Variants in ST6GALNAC3 observed in about 807,000 individuals in gnomAD.
The protein encoded by ST6GALNAC3 is alpha-N-acetylgalactosaminide alpha-2,6-sialyltransferase 3.
ST6GALNAC3 carries 25 observed loss-of-function variants against 32.7 expected under a neutral mutation model. That is an observed-to-expected ratio of 0.76 (90% CI 0.56 to 1.07). The LOEUF is 1.07. ST6GALNAC3 is among the 50% of genes least tolerant of loss of function. The probability of loss-of-function intolerance (pLI) is 0.00; values close to 1 mark genes in which losing one functional copy is unlikely to be tolerated. For missense variants in ST6GALNAC3, 355 were observed against 382.4 expected (o/e 0.93, Z 0.60); for synonymous variants, 129 against 133.1 (o/e 0.97, Z 0.21).
At chr1:76,360,852 G>C (rs1461967533) in intron 2 of ST6GALNAC3, among the ~76,000 whole-genome samples, 2 of 152,128 alleles carry the variant, frequency 1.3e-5, no homozygotes, top group East Asian at 1.9e-4. Flanking sequence ...GGGAGTCAGA[G>C]TCTCAATTTC....
Position 76,629,895 on chromosome 1 carries a change from T to C in ST6GALNAC3, c.*1089T>C. ...CCAGCTGTTACACATGGAGAGGAAA[T>C]GATTCCTTATATTAAACCTGACCAG... On this transcript the variant is annotated 3_prime_UTR_variant, in exon 5 of 5. Coordinates refer to ENST00000328299, the MANE Select transcript of ST6GALNAC3 (RefSeq NM_152996.4). 1 of 985,100 alleles carries C rather than the reference T, an allele frequency of 1.0e-6. No individual in the cohort carries two copies. Among genetic ancestry groups the C allele is most frequent in the Non-Finnish European group, 1.2e-6 (1 of 829,750 alleles). 61.0% of individuals were successfully genotyped at this position (985,100 alleles called of 1,614,324 possible).
chr1:76,189,997 T>C (rs1653802336), intron 1 of ST6GALNAC3, among the ~76,000 whole-genome samples: 1 of 152,208 alleles, frequency 6.6e-6, no homozygotes, highest in Non-Finnish European at 1.5e-5. Context: ...TAAAGGAAAG[T>C]TTGTCAGATG....
chr1:76,406,281 G>A (rs1233788399), intron 2 of ST6GALNAC3, among the ~76,000 whole-genome samples: 46 of 152,160 alleles, frequency 3.0e-4, no homozygotes, highest in Non-Finnish European at 2.9e-5. Flanking sequence ...AGGCTTTTGG[G>A]CAGTGGGGAG....
chr1:76,597,723 G>A (rs985316082), intron 3 of ST6GALNAC3, among the ~76,000 whole-genome samples: 2 of 152,148 alleles, frequency 1.3e-5, no homozygotes, highest in South Asian at 2.1e-4. Context: ...GTACACCTAA[G>A]TAGAGAGCTT....
intron 1 of ST6GALNAC3, 154 bp downstream of exon 1, chr1:76,075,038 G>C: frequency 1.0e-6 from 1 of 962,668 alleles, no homozygotes; most frequent in Non-Finnish European, 1.6e-6. Flanking sequence ...GCATATGGAG[G>C]GAGATTCTGA....
chr1:76,090,018 G>C (rs1647022916), intron 1 of ST6GALNAC3, among the ~76,000 whole-genome samples: 1 of 152,284 alleles, frequency 6.6e-6, no homozygotes, highest in South Asian at 2.1e-4. Flanking sequence ...CACTGAGAGT[G>C]TATTTATATA....
chr1:76,354,017 C>T (rs897817505), intron 2 of ST6GALNAC3: 17 of 165,254 alleles, frequency 1.0e-4, no homozygotes, highest in African/African-American at 4.0e-4. Context: ...CTTTCAAACA[C>T]CACTAATGCC....
intron 3 of ST6GALNAC3, among the ~76,000 whole-genome samples, chr1:76,462,255 A>G (rs1353116534): frequency 6.6e-6 from 1 of 152,060 alleles, no homozygotes; most frequent in Non-Finnish European, 1.5e-5. Flanking sequence ...AAATGTGTAC[A>G]TACGTGAATT....
intron 1 of ST6GALNAC3, among the ~76,000 whole-genome samples, chr1:76,199,651 T>C (rs1654409309): frequency 6.6e-6 from 1 of 152,230 alleles, no homozygotes; most frequent in East Asian, 1.9e-4. Context: ...TGATTTATCA[T>C]GACCATTTTG....
At chr1:76,110,317 G>A (rs936155457) in intron 1 of ST6GALNAC3, among the ~76,000 whole-genome samples, 2 of 152,242 alleles carry the variant, frequency 1.3e-5, no homozygotes, top group African/African-American at 4.8e-5. Flanking sequence ...GCATTTGAGT[G>A]TTATCGTTTA....
intron 3 of ST6GALNAC3, among the ~76,000 whole-genome samples, chr1:76,451,033 G>T (rs1009945616): frequency 6.6e-6 from 1 of 152,140 alleles, no homozygotes; most frequent in Admixed American, 6.6e-5. Flanking sequence ...GCTATGAAAG[G>T]CTCCTTTTGG....
At chr1:76,139,011 G>A (rs559627735) in intron 1 of ST6GALNAC3, among the ~76,000 whole-genome samples, 1 of 152,116 alleles carries the variant, frequency 6.6e-6, no homozygotes, top group African/African-American at 2.4e-5. Flanking sequence ...TGGCTAACAC[G>A]GTGAAACCCC....
intron 1 of ST6GALNAC3, among the ~76,000 whole-genome samples, chr1:76,255,741 T>G (rs181561454): frequency 6.6e-6 from 1 of 152,072 alleles, no homozygotes; most frequent in Non-Finnish European, 1.5e-5. Context: ...GTTATGAAAC[T>G]GTGGGTGCTT....
chr1:76,506,740 G>A (rs561870836), intron 3 of ST6GALNAC3, among the ~76,000 whole-genome samples: 2 of 152,274 alleles, frequency 1.3e-5, no homozygotes, highest in Non-Finnish European at 2.9e-5. Flanking sequence ...GACCGCGGTA[G>A]ACAATATGTC....
chr1:76,244,085 AT>A (rs938970721), intron 1 of ST6GALNAC3, among the ~76,000 whole-genome samples: 2 of 151,162 alleles, frequency 1.3e-5, no homozygotes, highest in African/African-American at 4.9e-5. Flanking sequence ...ATGAACATGG[AT>A]TTTTTTTTCA....
At chr1:76,389,013 T>TTTTTTTTTTC (rs1269748689) in intron 2 of ST6GALNAC3, among the ~76,000 whole-genome samples, 1 of 62,114 alleles carries the variant, frequency 1.6e-5, no homozygotes, top group Non-Finnish European at 2.6e-5. Flanking sequence ...GTATATTTCC[T>TTTTTTTTTTC]TTTTTTTTTT....
In ST6GALNAC3 at chr1:76,632,569, C is replaced by G. The variant is rs1649350442; in HGVS notation, c.*3763C>G. On this transcript the variant is annotated 3_prime_UTR_variant, in exon 5 of 5. Transcript: ENST00000328299. ...ACCACTGTGAAAAAGGAAAATTATACAAGGAGATTGCTCTTGGAGGATTTG... is the reference window on the plus strand; with the variant it reads ...ACCACTGTGAAAAAGGAAAATTATAGAAGGAGATTGCTCTTGGAGGATTTG... 6.6e-6 allele frequency: 1 copy of G among 152,034 alleles called. No individual in the cohort carries two copies. Among genetic ancestry groups the G allele is most frequent in the Admixed American group, 6.6e-5 (1 of 15,250 alleles). The allele number at this position is 152,034 out of a possible 1,614,324, so 9.4% of individuals were successfully genotyped here. A position where few individuals can be genotyped will look rare whatever the true frequency, so the allele number is the denominator to read the frequency against.
intron 3 of ST6GALNAC3, among the ~76,000 whole-genome samples, chr1:76,567,209 A>T (rs567787394): frequency 1.3e-5 from 2 of 152,342 alleles, no homozygotes; most frequent in South Asian, 4.1e-4. Flanking sequence ...AGACCCTCTC[A>T]TTCTTGGTTT....
chr1:76,522,772 C>T (rs572505079), intron 3 of ST6GALNAC3, among the ~76,000 whole-genome samples: 3 of 152,122 alleles, frequency 2.0e-5, no homozygotes, highest in African/African-American at 7.2e-5. Flanking sequence ...GGAATTAAAG[C>T]GGTGATCAGA....
Sources: allele counts gnomAD v4.1 joint callset (sites outside exome capture counted in the v4.1 genomes callset), GRCh38; gene constraint gnomAD v4.1.1; transcripts MANE v1.5; gene names NCBI Gene and HGNC (gene_info 2026-07-23, HGNC 2026-07-21).